Variants in EYS observed in about 807,000 individuals in gnomAD.
EYS encodes protein eyes shut homolog.
EYS carries 250 observed loss-of-function variants against 282.1 expected under a neutral mutation model. The observed-to-expected ratio is 0.89, with a 90% CI of 0.80 to 0.98. The LOEUF (loss-of-function observed/expected upper bound fraction) is 0.98, where lower values mean the gene tolerates loss of function less well. Ranked by LOEUF, EYS falls within the 50% of genes least tolerant of loss-of-function variation. The pLI, the probability that EYS is intolerant of heterozygous loss-of-function variation, is 0.00. For synonymous variants in EYS, 1,355 were observed against 1,282.9 expected (o/e 1.06, Z -1.20); for missense variants, 4,016 against 3,709.0 (o/e 1.08, Z -2.15).
At position 65,442,959 on chromosome 6, in the gene EYS, T is replaced by C. The variant is rs114943799; in HGVS notation, c.863-37592A>G. Among the ~76,000 whole-genome samples the C allele has an allele frequency of 8.7e-5, 9 of 103,170 alleles. 1 individual carries two copies. The highest frequency in any genetic ancestry group is 3.0e-4 in the South Asian group (1 of 3,362). The allele number at this position is 103,170 out of a possible 152,430, so 67.7% of individuals were successfully genotyped here. A position where few individuals can be genotyped will look rare whatever the true frequency, so the allele number is the denominator to read the frequency against. Reference sequence around the variant, plus strand: ...ATATACGTATATACATGCACATACATATGTACATATATGTATATATACATA... The same window carrying C: ...ATATACGTATATACATGCACATACACATGTACATATATGTATATATACATA... On this transcript the variant is annotated intron_variant, in intron 5 of 42. Coordinates refer to ENST00000503581, the MANE Select transcript of EYS (RefSeq NM_001142800.2).
At chr6:64,231,296 A>T (rs977886237) in intron 30 of EYS, among the ~76,000 whole-genome samples, 2 of 149,956 alleles carry the variant, frequency 1.3e-5, no homozygotes, top group South Asian at 2.1e-4. Flanking sequence ...ATATTCCCTA[A>T]TTTTTTTTTT....
chr6:64,648,445 T>C (rs1285185572), intron 22 of EYS, among the ~76,000 whole-genome samples: 2 of 152,200 alleles, frequency 1.3e-5, no homozygotes, highest in African/African-American at 2.4e-5. Context: ...TTTAAGAGAG[T>C]GTCATAGACA....
At chr6:65,072,105 C>T (rs1367111707) in intron 12 of EYS, among the ~76,000 whole-genome samples, 1 of 151,778 alleles carries the variant, frequency 6.6e-6, no homozygotes, top group Non-Finnish European at 1.5e-5. Context: ...TCTGCTTGTA[C>T]AATGTGGGAT....
intron 35 of EYS, among the ~76,000 whole-genome samples, chr6:63,953,636 A>G (rs116589715): frequency 2.4e-3 from 362 of 152,292 alleles, no homozygotes; most frequent in Non-Finnish European, 3.1e-3. Context: ...TGGCTAAACC[A>G]TTATATAAAC....
chr6:64,468,732 A>G (rs1336887231), intron 26 of EYS, among the ~76,000 whole-genome samples: 1 of 152,154 alleles, frequency 6.6e-6, no homozygotes, highest in African/African-American at 2.4e-5. Context: ...TTTAGCTCCC[A>G]CTTACAAGTG....
intron 33 of EYS, among the ~76,000 whole-genome samples, chr6:64,021,225 T>A (rs984815826): frequency 2.0e-5 from 3 of 152,194 alleles, no homozygotes; most frequent in Non-Finnish European, 4.4e-5. Context: ...CCATTCTTTT[T>A]CTTTCCATCA....
intron 30 of EYS, among the ~76,000 whole-genome samples, chr6:64,271,667 T>C (rs983995837): frequency 3.3e-5 from 5 of 151,438 alleles, no homozygotes; most frequent in African/African-American, 1.2e-4. Context: ...CTTAATTCAA[T>C]TGAAATTGAT....
At chr6:64,810,576 T>C (rs943135160) in intron 22 of EYS, among the ~76,000 whole-genome samples, 1 of 152,108 alleles carries the variant, frequency 6.6e-6, no homozygotes, top group Admixed American at 6.6e-5. Flanking sequence ...GCACAGTCTT[T>C]ACCTTTTTTG....
At chr6:65,105,063 AC>A (rs1368144599) in intron 12 of EYS, among the ~76,000 whole-genome samples, 3 of 151,758 alleles carry the variant, frequency 2.0e-5, no homozygotes, top group African/African-American at 7.2e-5. Context: ...GGTTAAAAAA[AC>A]ATGCACACTA....
chr6:64,915,037 A>G (rs1250671115), intron 15 of EYS, among the ~76,000 whole-genome samples: 1 of 152,070 alleles, frequency 6.6e-6, no homozygotes, highest in African/African-American at 2.4e-5. Flanking sequence ...TTGCCTGGAG[A>G]GACTTGGTTC....
chr6:65,374,555 C>T (rs548119808), intron 8 of EYS, among the ~76,000 whole-genome samples: 1 of 150,902 alleles, frequency 6.6e-6, no homozygotes, highest in Non-Finnish European at 1.5e-5. Flanking sequence ...GAAAGAGAAC[C>T]ATTTACTCCC....
At chr6:64,406,974 A>T (rs1473031887) in intron 28 of EYS, among the ~76,000 whole-genome samples, 2 of 152,240 alleles carry the variant, frequency 1.3e-5, no homozygotes, top group Non-Finnish European at 1.5e-5. Flanking sequence ...ATAATAAATC[A>T]TTCTACTATA....
intron 42 of EYS, among the ~76,000 whole-genome samples, chr6:63,725,697 C>T (rs996850296): frequency 6.6e-6 from 1 of 151,988 alleles, no homozygotes; most frequent in African/African-American, 2.4e-5. Flanking sequence ...CCACTTTGGT[C>T]GAATTCCCTG....
At chr6:64,728,552 G>T (rs1771844692) in intron 22 of EYS, among the ~76,000 whole-genome samples, 1 of 152,078 alleles carries the variant, frequency 6.6e-6, no homozygotes. Context: ...ATCCAGGATG[G>T]TCTCTATCTC....
intron 12 of EYS, among the ~76,000 whole-genome samples, chr6:65,273,711 T>G (rs1354560563): frequency 6.6e-6 from 1 of 152,204 alleles, no homozygotes. Flanking sequence ...GGCCACAAGT[T>G]ATGTTATGCT....
At chr6:64,097,963 A>C (rs989639109) in intron 31 of EYS, among the ~76,000 whole-genome samples, 1 of 152,236 alleles carries the variant, frequency 6.6e-6, no homozygotes, top group African/African-American at 2.4e-5. Flanking sequence ...ACAAATTTCA[A>C]TCACTATTAG....
At chr6:65,609,938 A>T (rs1765933562) in intron 2 of EYS, among the ~76,000 whole-genome samples, 1 of 152,148 alleles carries the variant, frequency 6.6e-6, no homozygotes, top group Non-Finnish European at 1.5e-5. Context: ...AAAAATATCC[A>T]GCCCAGGCTG....
At chr6:64,932,375 CTT>C (rs1338508038) in intron 15 of EYS, among the ~76,000 whole-genome samples, 1 of 151,992 alleles carries the variant, frequency 6.6e-6, no homozygotes, top group Non-Finnish European at 1.5e-5. Flanking sequence ...AAAATTCACT[CTT>C]ATAAAAAACC....
intron 15 of EYS, among the ~76,000 whole-genome samples, chr6:64,927,507 C>T (rs1203454061): frequency 6.6e-6 from 1 of 151,952 alleles, no homozygotes; most frequent in African/African-American, 2.4e-5. Flanking sequence ...AAACTTTTTA[C>T]CATTAAATTT....
Sources: allele counts gnomAD v4.1 joint callset (sites outside exome capture counted in the v4.1 genomes callset), GRCh38; gene constraint gnomAD v4.1.1; transcripts MANE v1.5; gene names NCBI Gene and HGNC (gene_info 2026-07-23, HGNC 2026-07-21).